Variants in ANO10 observed in about 807,000 individuals in gnomAD.
ANO10 encodes anoctamin 10.
In ANO10, 77 loss-of-function variants were observed where a neutral mutation model predicts 74.7. The observed-to-expected ratio is 1.03, with a 90% CI of 0.86 to 1.25. The LOEUF (loss-of-function observed/expected upper bound fraction) is 1.25. Among genes scored for constraint, ANO10 ranks in the 50% most tolerant of loss-of-function variants. ANO10 has a pLI of 0.00. For missense variants in ANO10, 721 were observed against 778.1 expected (o/e 0.93, Z 0.87); for synonymous variants, 279 against 284.9 (o/e 0.98, Z 0.21).
At chr3:43,432,955 T>TC (rs2093010256) in intron 11 of ANO10, among the ~76,000 whole-genome samples, 1 of 90,942 alleles carries the variant, frequency 1.1e-5, no homozygotes, top group Non-Finnish European at 2.3e-5. Flanking sequence ...TTTTTTTTTT[T>TC]TTTTTTTTTT....
rs61670690 is a variant in ANO10 at position 43,670,324 on chromosome 3, TTAAATAAATAAA to T, written c.-12+21181_-12+21192del. On this transcript the variant is annotated intron_variant, in intron 1 of 3. Transcript: ENST00000413397. The stretch of plus-strand genomic sequence containing the variant: ...CTGGGTGACAGAGCAAGACCCTTTC[TTAAATAAATAAA>T]TAAATAAATAAATAAATAAAATAAT... 1.7e-3 allele frequency among the ~76,000 whole-genome samples: 241 copies of T among 145,992 alleles called. 1 individual carries two copies. Among genetic ancestry groups the T allele is most frequent in the African/African-American group, 5.5e-3 (218 of 39,758 alleles).
chr3:43,643,132 C>T (rs547464832), intron 1 of ANO10, among the ~76,000 whole-genome samples: 2 of 151,510 alleles, frequency 1.3e-5, no homozygotes, highest in African/African-American at 4.8e-5. Context: ...CCCGGGTTCA[C>T]GCCATTCTCC....
At chr3:43,513,971 GT>G (rs1251231637) in intron 11 of ANO10, among the ~76,000 whole-genome samples, 2 of 149,884 alleles carry the variant, frequency 1.3e-5, no homozygotes, top group Non-Finnish European at 3.0e-5. Context: ...GATGTTTGCT[GT>G]TTTTCTATTT....
At chr3:43,461,751 G>C (rs2372434) in intron 11 of ANO10, among the ~76,000 whole-genome samples, 2,879 of 152,232 alleles carry the variant, frequency 0.019, 49 homozygotes, top group South Asian at 0.06. Flanking sequence ...TTTATAAATT[G>C]CTCAATCTCG....
rs531371489 is a variant in ANO10 at position 43,586,695 on chromosome 3, C to T, written c.473-6223G>A. Among the ~76,000 whole-genome samples, 4 of 151,952 alleles carry T rather than the reference C, an allele frequency of 2.6e-5. No individual in the cohort carries two copies. In the East Asian group the frequency reaches 5.8e-4, roughly 22 times the overall value. ...AGCAGAAAATTATAGCATCCAGCAACAAAAAACCATGAAATTCTTCATGAA... is the reference window on the plus strand; with the variant it reads ...AGCAGAAAATTATAGCATCCAGCAATAAAAAACCATGAAATTCTTCATGAA... On this transcript the variant is annotated intron_variant, in intron 4 of 12. Transcript: ENST00000292246.
At chr3:43,382,240 C>G (rs778185400) in intron 12 of ANO10, among the ~76,000 whole-genome samples, 2 of 152,176 alleles carry the variant, frequency 1.3e-5, no homozygotes, top group African/African-American at 4.8e-5. Context: ...CAAGATCAGG[C>G]CGGGCGCGGT....
intron 11 of ANO10, among the ~76,000 whole-genome samples, chr3:43,445,105 A>C (rs2093224442): frequency 7.1e-6 from 1 of 141,534 alleles, no homozygotes; most frequent in Admixed American, 7.4e-5. Context: ...CCTGGGCTAC[A>C]GAGTGAGACT....
At chr3:43,463,100 G>C (rs561336185) in intron 11 of ANO10, among the ~76,000 whole-genome samples, 2 of 152,338 alleles carry the variant, frequency 1.3e-5, no homozygotes, top group African/African-American at 4.8e-5. Context: ...TGAGGGGTCA[G>C]AGCCCCCACA....
chr3:43,411,058 C>T (rs932782788), intron 12 of ANO10, among the ~76,000 whole-genome samples: 4 of 152,094 alleles, frequency 2.6e-5, no homozygotes, highest in Admixed American at 6.6e-5. Context: ...GGTATGTGTA[C>T]ACTTTTTTTG....
At chr3:43,683,307 A>C (rs575838504) in intron 1 of ANO10, among the ~76,000 whole-genome samples, 2 of 152,320 alleles carry the variant, frequency 1.3e-5, no homozygotes, top group African/African-American at 4.8e-5. Flanking sequence ...TGAGAGCCAA[A>C]TCATGAGTGA....
intron 11 of ANO10, among the ~76,000 whole-genome samples, chr3:43,446,203 G>T (rs2093243921): frequency 6.6e-6 from 1 of 152,204 alleles, no homozygotes; most frequent in Non-Finnish European, 1.5e-5. Context: ...AGGAAGGAAT[G>T]CTTCCCATCT....
Position 43,528,645 on chromosome 3 carries a change from A to C in ANO10, c.1797+21075T>G, listed in dbSNP as rs1004146648. On this transcript the variant is annotated intron_variant, in intron 11 of 12. Coordinates refer to ENST00000292246, the MANE Select transcript of ANO10 (RefSeq NM_018075.5). ...AAACTAAGAGGACAAAAATAAAAGA[A>C]AAATATGTGTCAAAATGAAAAAAAT... Among the ~76,000 whole-genome samples, 6 of 152,326 alleles carry C rather than the reference A, an allele frequency of 3.9e-5. No individual in the cohort carries two copies. The South Asian group carries it at 6.2e-4, about 16-fold the overall frequency.
chr3:43,449,663 T>C (rs1366955417), intron 11 of ANO10, among the ~76,000 whole-genome samples: 2 of 152,310 alleles, frequency 1.3e-5, no homozygotes, highest in East Asian at 1.9e-4. Flanking sequence ...GTCTATTCTT[T>C]CACCAATACC....
At position 43,370,821 on chromosome 3, in the gene ANO10, T is replaced by C. The variant is rs147659946; in HGVS notation, c.1915-3847A>G. ...TTATAATAGGAACCTAATCATTAAG[T>C]GTGTTGGCCAAATGCACAGCTTGAC... On this transcript the variant is annotated intron_variant, in intron 12 of 12. Coordinates refer to ENST00000292246, the MANE Select transcript of ANO10 (RefSeq NM_018075.5). Among the ~76,000 whole-genome samples, 5 of 152,332 alleles carry C rather than the reference T, an allele frequency of 3.3e-5. No homozygotes were observed. In the East Asian group the frequency reaches 5.8e-4, roughly 18 times the overall value.
At chr3:43,403,140 A>G (rs2092513265) in intron 12 of ANO10, among the ~76,000 whole-genome samples, 1 of 152,240 alleles carries the variant, frequency 6.6e-6, no homozygotes, top group South Asian at 2.1e-4. Flanking sequence ...CCTCACAAAT[A>G]ATGAGTGCTC....
At chr3:43,505,784 T>A (rs1393904993) in intron 11 of ANO10, among the ~76,000 whole-genome samples, 1 of 152,184 alleles carries the variant, frequency 6.6e-6, no homozygotes, top group East Asian at 1.9e-4. Flanking sequence ...AACTAAATAA[T>A]ATGGTCCCTA....
chr3:43,556,948 T>A (rs2079780101), intron 9 of ANO10, among the ~76,000 whole-genome samples: 1 of 151,962 alleles, frequency 6.6e-6, no homozygotes, highest in African/African-American at 2.4e-5. Flanking sequence ...ATGTAGAAAA[T>A]CCAACAAAAT....
Position 43,615,715 on chromosome 3 carries a change from G to A in ANO10, c.-12+6194C>T, listed in dbSNP as rs1358233271. 5.3e-5 allele frequency among the ~76,000 whole-genome samples: 8 copies of A among 151,680 alleles called. No homozygotes were observed. The South Asian group carries it at 6.2e-4, about 12-fold the overall frequency. Reference sequence around the variant, plus strand: ...GCTGCCCAGGCTGGAGTGCAGTGGCGCAATCTCGGCTCACTGCAACCTCCG... The same window carrying A: ...GCTGCCCAGGCTGGAGTGCAGTGGCACAATCTCGGCTCACTGCAACCTCCG... On this transcript the variant is annotated intron_variant, in intron 1 of 12. Transcript: ENST00000292246.
chr3:43,531,416 CAGAT>C (rs1322866656), intron 11 of ANO10, among the ~76,000 whole-genome samples: 1 of 152,146 alleles, frequency 6.6e-6, no homozygotes, highest in Non-Finnish European at 1.5e-5. Context: ...TCTCATGACT[CAGAT>C]AAAGTTCTCT....
Sources: allele counts gnomAD v4.1 joint callset (sites outside exome capture counted in the v4.1 genomes callset), GRCh38; gene constraint gnomAD v4.1.1; transcripts MANE v1.5; gene names NCBI Gene and HGNC (gene_info 2026-07-23, HGNC 2026-07-21).